LINGO2: variants seen among roughly 807,000 people sequenced by gnomAD.
LINGO2 encodes leucine-rich repeat and immunoglobulin-like domain-containing nogo receptor-interacting protein 2.
Under a neutral mutation model 30.6 loss-of-function variants are expected in LINGO2, and 14 were observed. The ratio of observed to expected loss-of-function variants is 0.46; its 90% CI spans 0.30 to 0.72. LINGO2 has a LOEUF of 0.72. Ranked by LOEUF, LINGO2 falls within the 30% of genes least tolerant of loss-of-function variation. LINGO2 has a pLI of 0.07. For synonymous variants in LINGO2, 317 were observed against 288.5 expected (o/e 1.10, Z -1.00); for missense variants, 729 against 751.7 (o/e 0.97, Z 0.35).
the LINGO2 span, among the ~76,000 whole-genome samples, chr9:28,736,886 T>G: frequency 1.3e-5 from 2 of 152,188 alleles, no homozygotes; most frequent in African/African-American, 4.8e-5. Context: ...TCAGATTAGA[T>G]AGCAGGCATT....
chr9:28,881,382 C>T, the LINGO2 span, among the ~76,000 whole-genome samples: 1 of 152,060 alleles, frequency 6.6e-6, no homozygotes, highest in South Asian at 2.1e-4. Context: ...CCTCAGCCTC[C>T]CAAAGTGCTG....
At chr9:28,902,303 G>C in the LINGO2 span, among the ~76,000 whole-genome samples, 3 of 152,136 alleles carry the variant, frequency 2.0e-5, no homozygotes, top group African/African-American at 4.8e-5. Context: ...GAACAAAAAA[G>C]GTCCTTATTA....
chr9:28,292,927 C>G (rs531027105), intron 4 of LINGO2, among the ~76,000 whole-genome samples: 18 of 151,786 alleles, frequency 1.2e-4, no homozygotes, highest in African/African-American at 4.4e-4. Flanking sequence ...CCCGCCACCA[C>G]GCTTGGATAA....
chr9:28,703,280 T>G, the LINGO2 span, among the ~76,000 whole-genome samples: 1 of 151,958 alleles, frequency 6.6e-6, no homozygotes, highest in Non-Finnish European at 1.5e-5. Context: ...CTGTAATCAT[T>G]GTTTTCACTC....
At chr9:28,181,559 T>A (rs1828911879) in intron 4 of LINGO2, among the ~76,000 whole-genome samples, 1 of 152,100 alleles carries the variant, frequency 6.6e-6, no homozygotes, top group Non-Finnish European at 1.5e-5. Flanking sequence ...ACCCTTCCAA[T>A]GATTAGGATG....
At chr9:28,006,348 C>A (rs1010315864) in intron 5 of LINGO2, among the ~76,000 whole-genome samples, 1 of 150,116 alleles carries the variant, frequency 6.7e-6, no homozygotes, top group Non-Finnish European at 1.5e-5. Flanking sequence ...AAATCCTTAC[C>A]AGAGATCAAA....
chr9:28,331,958 T>C (rs1472519576), intron 3 of LINGO2, among the ~76,000 whole-genome samples: 1 of 152,202 alleles, frequency 6.6e-6, no homozygotes, highest in African/African-American at 2.4e-5. Flanking sequence ...TTGCCTTACC[T>C]GATTTTTCAA....
chr9:29,162,969 G>C, the LINGO2 span, among the ~76,000 whole-genome samples: 1 of 152,170 alleles, frequency 6.6e-6, no homozygotes, highest in East Asian at 1.9e-4. Context: ...CTCTATCAAA[G>C]AGACAGAGAA....
chr9:28,276,858 C>T (rs576428916), intron 4 of LINGO2, among the ~76,000 whole-genome samples: 11 of 152,138 alleles, frequency 7.2e-5, no homozygotes, highest in South Asian at 2.1e-4. Flanking sequence ...GATGATATCT[C>T]GTTAATATTA....
At chr9:28,615,592 A>G (rs974674081) in intron 1 of LINGO2, among the ~76,000 whole-genome samples, 3 of 152,192 alleles carry the variant, frequency 2.0e-5, no homozygotes, top group African/African-American at 7.2e-5. Context: ...AACAATAGCA[A>G]AACAAAGGTA....
intron 1 of LINGO2, among the ~76,000 whole-genome samples, chr9:28,644,402 C>G (rs1173601876): frequency 6.6e-6 from 1 of 151,620 alleles, no homozygotes; most frequent in Non-Finnish European, 1.5e-5. Context: ...AGGTTCCTGG[C>G]TAAGTGACAT....
intron 1 of LINGO2, among the ~76,000 whole-genome samples, chr9:28,591,058 A>G (rs1193525638): frequency 6.6e-6 from 1 of 151,998 alleles, no homozygotes; most frequent in Non-Finnish European, 1.5e-5. Context: ...TATTGCAAGG[A>G]CAAAAAACCA....
intron 4 of LINGO2, among the ~76,000 whole-genome samples, chr9:28,213,936 T>G (rs1422048171): frequency 1.3e-5 from 2 of 151,562 alleles, no homozygotes; most frequent in East Asian, 1.9e-4. Flanking sequence ...ATTTTATATT[T>G]TAAAAGAACA....
chr9:28,218,192 A>T lies in LINGO2; in HGVS notation c.-87+77016T>A, dbSNP rs150830389. Among the ~76,000 whole-genome samples the T allele has an allele frequency of 2.7e-5, 4 of 150,494 alleles. No homozygotes were observed. The East Asian group carries it at 7.7e-4, about 29-fold the overall frequency. ...AAATATAGTATCAAATATCAAATGT[A>T]TCAAATAATATCAAACAATAATATA... On this transcript the variant is annotated intron_variant, in intron 4 of 5. Coordinates refer to ENST00000379992, the Ensembl canonical transcript of LINGO2.
chr9:28,829,293 A>T, the LINGO2 span, among the ~76,000 whole-genome samples: 3 of 152,124 alleles, frequency 2.0e-5, no homozygotes, highest in South Asian at 6.2e-4. Context: ...CATTGGCAAT[A>T]AAATCCTCCA....
intron 1 of LINGO2, among the ~76,000 whole-genome samples, chr9:28,573,261 A>G (rs1447787457): frequency 2.0e-5 from 3 of 152,198 alleles, no homozygotes. Flanking sequence ...TCAGAAAATA[A>G]TCCAGATTAT....
In LINGO2 at chr9:28,433,923, T is replaced by TTCTCTCTC. The variant is rs146254758; in HGVS notation, c.-279+42009_-279+42016dup. On this transcript the variant is annotated intron_variant, in intron 2 of 5. Transcript: ENST00000379992. ...TGGATAAAGAAAATGTGCTCTCTCTTTCTCTCTCTCTCTCTCTCTCTCTCT... is the reference window on the plus strand; with the variant it reads ...TGGATAAAGAAAATGTGCTCTCTCTTTCTCTCTCTCTCTCTCTCTCTCTCTCTCTCTCT... Among the ~76,000 whole-genome samples the TTCTCTCTC allele has an allele frequency of 2.6e-3, 289 of 110,002 alleles. 10 individuals carry two copies. The highest frequency in any genetic ancestry group is 0.015 in the Middle Eastern group (3 of 202). The allele number at this position is 110,002 out of a possible 152,430, so 72.2% of individuals were successfully genotyped here.
the LINGO2 span, among the ~76,000 whole-genome samples, chr9:29,012,155 C>T: frequency 1.3e-5 from 2 of 152,126 alleles, no homozygotes; most frequent in East Asian, 3.9e-4. Flanking sequence ...GTCACAAGTT[C>T]AAGACCAGCC....
At chr9:28,699,783 G>A in the LINGO2 span, among the ~76,000 whole-genome samples, 293 of 152,028 alleles carry the variant, frequency 1.9e-3, no homozygotes, top group Non-Finnish European at 3.4e-3. Context: ...GCTGCTCTGG[G>A]AGTGTCTGTC....
Sources: gnomAD v4.1 joint callset for allele counts (sites outside exome capture counted in the v4.1 genomes callset) on GRCh38, gnomAD v4.1.1 for gene constraint, MANE v1.5 for transcripts, NCBI Gene and HGNC (gene_info 2026-07-23, HGNC 2026-07-21) for gene names.